The following AKAP11 variants were observed in gnomAD, a reference collection of about 807,000 sequenced individuals.
The protein encoded by AKAP11 is A-kinase anchor protein 11.
Under a neutral mutation model 146.1 loss-of-function variants are expected in AKAP11, and 36 were observed. The ratio of observed to expected loss-of-function variants is 0.25; its 90% confidence interval spans 0.19 to 0.33. The LOEUF (loss-of-function observed/expected upper bound fraction) is 0.33, where lower values mean the gene tolerates loss of function less well. Ranked by LOEUF, AKAP11 falls within the 10% of genes least tolerant of loss-of-function variation. AKAP11 has a pLI of 1.00. For synonymous variants in AKAP11, 780 were observed against 786.5 expected, an observed-to-expected ratio of 0.99 and a Z score of 0.14; for missense variants, 2,201 against 2,197.0, an observed-to-expected ratio of 1.00 and a Z score of -0.04.
In AKAP11 at chr13:42,302,127, A is replaced by G. The variant is rs1959957378; in HGVS notation, c.3381A>G (p.Glu1127=). Reference sequence around the variant, plus strand: ...AGTTAACTAAAAAGCTCAAGGGAGAATTAGCCAAAGAGTTTGCACCTGCTA... The same window carrying G: ...AGTTAACTAAAAAGCTCAAGGGAGAGTTAGCCAAAGAGTTTGCACCTGCTA... The part of the protein sequence containing the change: ...IKKLTKKLKG[E]LAKEFAPATP... Residue 1127 remains glutamate (E), a synonymous_variant, in exon 8 of 13, where the codon GAA becomes GAG. Coordinates refer to ENST00000025301, the MANE Select transcript of AKAP11 (RefSeq NM_016248.4). 3.1e-6 allele frequency: 5 copies of G among 1,614,202 alleles called. No individual in the cohort carries two copies. Among genetic ancestry groups the G allele is most frequent in the Non-Finnish European group, 4.2e-6 (5 of 1,180,018 alleles).
At chr13:42,288,852 G>A (rs1278923970) in intron 3 of AKAP11, among the ~76,000 whole-genome samples, 1 of 151,998 alleles carries the variant, frequency 6.6e-6, no homozygotes. Context: ...CCTCTCCCTT[G>A]TATATTTCAC....
intron 11 of AKAP11, among the ~76,000 whole-genome samples, chr13:42,314,707 A>G (rs1405186246): frequency 6.6e-6 from 1 of 152,110 alleles, no homozygotes; most frequent in Non-Finnish European, 1.5e-5. Flanking sequence ...CTTGTTTTCT[A>G]AAAGATATTT....
upstream of AKAP11, among the ~76,000 whole-genome samples, chr13:42,271,782 G>C (rs372165993): frequency 2.0e-5 from 3 of 152,098 alleles, no homozygotes; most frequent in African/African-American, 7.2e-5. Flanking sequence ...GGTCGCCCTC[G>C]AATTTAAAGC....
intron 11 of AKAP11, among the ~76,000 whole-genome samples, chr13:42,316,609 C>T (rs1433044722): frequency 6.6e-6 from 1 of 152,224 alleles, no homozygotes; most frequent in Admixed American, 6.5e-5. Context: ...TTTCCCCCCA[C>T]TTTTGTCTGA....
intron 1 of AKAP11, among the ~76,000 whole-genome samples, 166 bp downstream of exon 1, chr13:42,272,394 A>G (rs1309211734): frequency 6.6e-6 from 1 of 152,042 alleles, no homozygotes; most frequent in Non-Finnish European, 1.5e-5. Flanking sequence ...GCGCCTTCGC[A>G]TGGCGGAGGG....
rs61755978 is a variant in AKAP11 at position 42,319,144 on chromosome 13, G to A, written c.5622G>A (p.Val1874=). Residue 1874 remains valine, a synonymous_variant, in exon 13 of 13, where the codon GTG becomes GTA. Transcript: ENST00000025301. ...AAGTGGGAGACCTCCTGCAGGCTGTGCTTCAATACTATGAAGTGATGGAAA... is the reference window on the plus strand; with the variant it reads ...AAGTGGGAGACCTCCTGCAGGCTGTACTTCAATACTATGAAGTGATGGAAA... The part of the protein sequence containing the change: ...GWKVGDLLQA[V]LQYYEVMEKA... 310 of 1,613,944 alleles carry A rather than the reference G, an allele frequency of 1.9e-4. No individual in the cohort carries two copies. The highest frequency in any genetic ancestry group is 6.8e-4 in the Admixed American group (41 of 60,000).
In AKAP11 at chr13:42,312,980, G is replaced by T. The variant is rs868039979; in HGVS notation, c.5274-67G>T. ...AGTTATCAAGGACAGAAGCTGTTCC[G>T]AGGAAACAAAGGTCTTTTCTACTAT... On this transcript the variant is annotated intron_variant, in intron 9 of 12. Transcript: ENST00000025301. 10 of 1,356,626 alleles carry T rather than the reference G, an allele frequency of 7.4e-6. No individual in the cohort carries two copies. The African/African-American group carries it at 1.0e-4, about 14-fold the overall frequency. 84.0% of individuals were successfully genotyped at this position (1,356,626 alleles called of 1,614,324 possible).
Position 42,288,312 on chromosome 13 carries a change from A to T in AKAP11, c.51+1913A>T, listed in dbSNP as rs939320798. Among the ~76,000 whole-genome samples, 10 of 152,330 alleles carry T rather than the reference A, an allele frequency of 6.6e-5. 1 individual carries two copies. The highest frequency in any genetic ancestry group is 2.4e-4 in the African/African-American group (10 of 41,580). On this transcript the variant is annotated intron_variant, in intron 3 of 12. Coordinates refer to ENST00000025301, the MANE Select transcript of AKAP11 (RefSeq NM_016248.4). ...CATTTTATTATGAAAAATTTCAAAC[A>T]CATAGAAAAGTTAAAAGCATAATAC...
At chr13:42,291,754 A>C (rs1959220893) in intron 3 of AKAP11, among the ~76,000 whole-genome samples, 1 of 152,218 alleles carries the variant, frequency 6.6e-6, no homozygotes, top group Non-Finnish European at 1.5e-5. Context: ...GGCATAAGGT[A>C]GAAGGAAATA....
In AKAP11 at chr13:42,302,650, G is replaced by A. The variant is rs751509415; in HGVS notation, c.3904G>A (p.Glu1302Lys). Residue 1302 changes from glutamate to lysine, a missense_variant, in exon 8 of 13, where the codon GAG (glutamate) becomes AAG (lysine). Transcript: ENST00000025301. ...TGGTGACGAAGATTATAAAGTAGAA[G>A]AGAAGTTGGATATAGAGGCTGTAGT... ...ADGDEDYKVE[E>K]KLDIEAVVHP... is the part of the protein sequence containing the mutation. The A allele has an allele frequency of 2.5e-6, 4 of 1,614,174 alleles. No individual in the cohort carries two copies. The South Asian group carries it at 4.4e-5, about 18-fold the overall frequency.
At chr13:42,280,687 TAGAG>T (rs746909651) in intron 1 of AKAP11, among the ~76,000 whole-genome samples, 43 of 152,200 alleles carry the variant, frequency 2.8e-4, no homozygotes, top group African/African-American at 5.5e-4. Flanking sequence ...ATAAACCACT[TAGAG>T]AGCACAAAGG....
chr13:42,295,253 G>C (rs897629816), intron 4 of AKAP11, among the ~76,000 whole-genome samples: 1 of 152,190 alleles, frequency 6.6e-6, no homozygotes, highest in Non-Finnish European at 1.5e-5. Context: ...GCGTGTTCCA[G>C]ACCCAGAAAG....
chr13:42,275,121 A>G lies in AKAP11; in HGVS notation c.-100+2893A>G, dbSNP rs558905511. On this transcript the variant is annotated intron_variant, in intron 1 of 12. Transcript: ENST00000025301. ...ATGATTCCAATTCAGCGTTTTGGGA[A>G]CCAGAAAGTCTTCAGGCAGTTACTC... Among the ~76,000 whole-genome samples the G allele has an allele frequency of 5.9e-5, 9 of 152,338 alleles. No homozygotes were observed. In the East Asian group the frequency reaches 1.7e-3, roughly 29 times the overall value.
chr13:42,281,703 T>C (rs1378550836), intron 1 of AKAP11, among the ~76,000 whole-genome samples: 1 of 152,150 alleles, frequency 6.6e-6, no homozygotes, highest in Non-Finnish European at 1.5e-5. Context: ...CTAGTGTATG[T>C]CTTCTTTTAT....
Position 42,300,605 on chromosome 13 carries a change from T to G in AKAP11, c.1859T>G (p.Val620Gly). 1 of 1,614,016 alleles carries G rather than the reference T, an allele frequency of 6.2e-7. No individual in the cohort carries two copies. Among genetic ancestry groups the G allele is most frequent in the Non-Finnish European group, 8.5e-7 (1 of 1,179,918 alleles). The change falls in exon 8 of 13, where the codon GTG becomes GGG. Residue 620 changes from valine to glycine, a missense_variant. Physicochemically the swap from Val to Gly is moderately radical, Grantham distance 109 (BLOSUM62 -3). Transcript: ENST00000025301. ...RAISGLANFL[V>G]SEALSNALKD... is the part of the protein sequence containing the mutation. ...ATTAGTGGCCTGGCTAACTTTTTGG[T>G]GAGTGAAGCTTTATCAAATGCCTTA...
At chr13:42,317,223 T>C (rs1408462140) in intron 11 of AKAP11, among the ~76,000 whole-genome samples, 1 of 152,186 alleles carries the variant, frequency 6.6e-6, no homozygotes. Context: ...TTTTATTTTC[T>C]CTCTAACCCA....
At position 42,300,862 on chromosome 13, in the gene AKAP11, T is replaced by G; in HGVS notation, c.2116T>G (p.Ser706Ala). 1.2e-6 allele frequency: 2 copies of G among 1,614,154 alleles called. No individual in the cohort carries two copies. Among genetic ancestry groups the G allele is most frequent in the Non-Finnish European group, 1.7e-6 (2 of 1,179,990 alleles). Residue 706 changes from serine (S) to alanine (A), a missense_variant, in exon 8 of 13, where the codon TCA (serine) becomes GCA (alanine). Transcript: ENST00000025301. The part of the protein sequence containing the change: ...SVIQEAFIEL[S>A]QVDVTFTTKA... The stretch of plus-strand genomic sequence containing the variant: ...AATACAGGAAGCATTCATTGAGCTA[T>G]CACAAGTTGATGTGACCTTTACAAC...
At position 42,301,108 on chromosome 13, in the gene AKAP11, G is replaced by A. The variant is rs1347664513; in HGVS notation, c.2362G>A (p.Ala788Thr). Residue 788 changes from alanine to threonine, a missense_variant, in exon 8 of 13, where the codon GCC becomes ACC. Ala to Thr is a moderately conservative substitution (Grantham distance 58). Transcript: ENST00000025301. ...TATACCGGTGCCCTTGGCAGGAAGTGCCCTTCTCCCATATCATATTTCATC... is the reference window on the plus strand; with the variant it reads ...TATACCGGTGCCCTTGGCAGGAAGTACCCTTCTCCCATATCATATTTCATC... The part of the protein sequence containing the change: ...TSIPVPLAGS[A>T]LLPYHISSTA... 1.1e-5 allele frequency: 17 copies of A among 1,613,954 alleles called. No individual in the cohort carries two copies. Among genetic ancestry groups the A allele is most frequent in the Non-Finnish European group, 1.4e-5 (17 of 1,179,972 alleles).
In AKAP11 at chr13:42,299,996, C is replaced by T; in HGVS notation, c.1250C>T (p.Pro417Leu). The T allele has an allele frequency of 6.2e-7, 1 of 1,613,962 alleles. No individual in the cohort carries two copies. The highest frequency in any genetic ancestry group is 1.1e-5 in the South Asian group (1 of 91,084). The stretch of plus-strand genomic sequence containing the variant: ...CCAGCTAATGTTAGAAAGCCAACTC[C>T]TCGTAAACCAGAATCTCCATATGGT... ...ALPANVRKPT[P>L]RKPESPYGNL... is the part of the protein sequence containing the mutation. Residue 417 changes from proline (P) to leucine (L), a missense_variant, in exon 8 of 13, where the codon CCT becomes CTT. Transcript: ENST00000025301.
Sources: allele counts gnomAD v4.1 joint callset (sites outside exome capture counted in the v4.1 genomes callset), GRCh38; gene constraint gnomAD v4.1.1; transcripts MANE v1.5; gene names NCBI Gene and HGNC (gene_info 2026-07-23, HGNC 2026-07-21).